Variants in ATP10B observed in about 807,000 individuals in gnomAD.
ATP10B encodes the protein ATPase phospholipid transporting 10B (putative).
ATP10B carries 122 observed loss-of-function variants against 141.2 expected under a neutral mutation model. The observed-to-expected ratio is 0.86, with a 90% CI of 0.75 to 1.00. ATP10B has a LOEUF of 1.00. ATP10B is among the 50% of genes least tolerant of loss of function. The pLI is 0.00. For synonymous variants in ATP10B, 685 were observed against 692.0 expected (o/e 0.99, Z 0.16); for missense variants, 1,876 against 1,825.3 (o/e 1.03, Z -0.51).
intron 24 of ATP10B, among the ~76,000 whole-genome samples, chr5:160,583,782 G>A (rs1581151269): frequency 6.6e-6 from 1 of 152,344 alleles, no homozygotes; most frequent in African/African-American, 2.4e-5. Context: ...AAGTGCTGCA[G>A]TGGGCTCTGT....
intron 7 of ATP10B, among the ~76,000 whole-genome samples, chr5:160,660,812 C>A (rs960635797): frequency 6.6e-6 from 1 of 152,312 alleles, no homozygotes; most frequent in East Asian, 1.9e-4. Context: ...GGCACTAGAT[C>A]CTACTACCAT....
Position 160,598,792 on chromosome 5 carries a change from T to C in ATP10B, c.3542A>G (p.Tyr1181Cys). Residue 1181 changes from tyrosine to cysteine, a missense_variant, in exon 22 of 26, where the codon TAC (tyrosine) becomes TGC (cysteine). Physicochemically the swap from Tyr to Cys is radical, Grantham distance 194. Coordinates refer to ENST00000327245, the MANE Select transcript of ATP10B (RefSeq NM_025153.3). ...TACCTCAGAGTTCTGGCCACTCTTG[T>C]ATAGCTCAGGCAATGCCAGGAGTGT... is the stretch of plus-strand genomic sequence containing the variant. ...AETLLALPEL[Y>C]KSGQNSECYN... The C allele has an allele frequency of 1.1e-5, 18 of 1,614,134 alleles. No individual in the cohort carries two copies. The highest frequency in any genetic ancestry group is 1.5e-5 in the Non-Finnish European group (18 of 1,179,982).
intron 9 of ATP10B, among the ~76,000 whole-genome samples, chr5:160,641,021 A>G (rs1581247648): frequency 2.0e-5 from 3 of 152,230 alleles, no homozygotes; most frequent in South Asian, 2.1e-4. Flanking sequence ...GTGGGATACA[A>G]TGGCAAGACA....
At chr5:160,848,758 A>G (rs574963553) in intron 1 of ATP10B, among the ~76,000 whole-genome samples, 1 of 152,316 alleles carries the variant, frequency 6.6e-6, no homozygotes, top group African/African-American at 2.4e-5. Context: ...TCATACCAAA[A>G]TGAGACTTAA....
the ATP10B span, among the ~76,000 whole-genome samples, chr5:160,876,507 CT>C: frequency 6.8e-6 from 1 of 146,756 alleles, no homozygotes; most frequent in East Asian, 2.1e-4. Context: ...CATTCAAAAG[CT>C]AGCAGAAGGC....
chr5:160,664,532 A>G (rs1762199032), intron 7 of ATP10B, among the ~76,000 whole-genome samples: 1 of 152,228 alleles, frequency 6.6e-6, no homozygotes, highest in Non-Finnish European at 1.5e-5. Context: ...TATGATTATT[A>G]CGTTGATTAT....
chr5:160,598,108 C>T (rs11950954), intron 22 of ATP10B, among the ~76,000 whole-genome samples: 126,051 of 145,314 alleles, frequency 0.87, 55,159 homozygotes, highest in African/African-American at 0.96. Context: ...TGCGGCACTA[C>T]TCACAATAGC....
chr5:160,891,818 A>C, the ATP10B span, among the ~76,000 whole-genome samples: 3 of 152,210 alleles, frequency 2.0e-5, no homozygotes, highest in Non-Finnish European at 1.5e-5. Flanking sequence ...CCTTGACTCT[A>C]TTCATTTACT....
intron 8 of ATP10B, among the ~76,000 whole-genome samples, chr5:160,647,027 A>G (rs1760329973): frequency 6.6e-6 from 1 of 152,144 alleles, no homozygotes; most frequent in Non-Finnish European, 1.5e-5. Flanking sequence ...GACATTGTCA[A>G]ATGTCTCCTG....
chr5:160,809,284 G>A (rs975132633), intron 1 of ATP10B, among the ~76,000 whole-genome samples: 1 of 152,122 alleles, frequency 6.6e-6, no homozygotes, highest in Non-Finnish European at 1.5e-5. Context: ...GCCAAAATGG[G>A]CATGGGAGTA....
At position 160,598,036 on chromosome 5, in the gene ATP10B, G is replaced by A. The variant is rs1272613564; in HGVS notation, c.3564+734C>T. Among the ~76,000 whole-genome samples, 4 of 49,302 alleles carry A rather than the reference G, an allele frequency of 8.1e-5. No homozygotes were observed. The East Asian group carries it at 3.6e-3, about 44-fold the overall frequency. The allele number at this position is 49,302 out of a possible 152,430, so 32.3% of individuals were successfully genotyped here. On this transcript the variant is annotated intron_variant, in intron 22 of 25. Coordinates refer to ENST00000327245, the MANE Select transcript of ATP10B (RefSeq NM_025153.3). ...AAATACCATTTGACCCAGCCATCCT[G>A]GGTATATACCCAAAAGACTATAAAT...
rs1400045847 is a variant in ATP10B, at chr5:160,564,351, C to A, written c.*1102G>T. 6.6e-6 allele frequency: 1 copy of A among 152,120 alleles called. No individual in the cohort carries two copies. The highest frequency in any genetic ancestry group is 1.5e-5 in the Non-Finnish European group (1 of 68,034). The allele number at this position is 152,120 out of a possible 1,614,324, so 9.4% of individuals were successfully genotyped here. The stretch of plus-strand genomic sequence containing the variant: ...TTTATATAGTTGACATTTATAAACT[C>A]TAGGGATAGGAAGTCTATATAATCC... On this transcript the variant is annotated 3_prime_UTR_variant, in exon 26 of 26. Coordinates refer to ENST00000327245, the MANE Select transcript of ATP10B (RefSeq NM_025153.3).
intron 25 of ATP10B, among the ~76,000 whole-genome samples, chr5:160,567,121 T>G (rs1466043525): frequency 6.6e-6 from 1 of 152,162 alleles, no homozygotes; most frequent in Non-Finnish European, 1.5e-5. Context: ...GTATAAACCT[T>G]TTCCTCAAGC....
chr5:160,881,597 G>C, the ATP10B span, among the ~76,000 whole-genome samples: 1 of 152,096 alleles, frequency 6.6e-6, no homozygotes, highest in Non-Finnish European at 1.5e-5. Flanking sequence ...TGGATCACGA[G>C]GTCAGGAGAT....
intron 1 of ATP10B, among the ~76,000 whole-genome samples, chr5:160,793,450 A>C (rs896044796): frequency 6.6e-6 from 1 of 152,244 alleles, no homozygotes; most frequent in South Asian, 2.1e-4. Flanking sequence ...GGTGTAACAG[A>C]ATTTAACTAT....
intron 1 of ATP10B, among the ~76,000 whole-genome samples, chr5:160,817,057 GC>G (rs1773690035): frequency 6.6e-6 from 1 of 152,138 alleles, no homozygotes; most frequent in Non-Finnish European, 1.5e-5. Flanking sequence ...TACTGAATGG[GC>G]AAAAACTGGA....
chr5:160,649,188 G>T lies in ATP10B; in HGVS notation c.744C>A (p.Asn248Lys). ...IVCEKPNNHL[N>K]KFKGYMEHPD... ...ATACTTACATATAACCCTTAAATTT[G>T]TTGAGGTGGTTGTTGGGTTTCTCAC... The change falls in exon 8 of 26, where the codon AAC (asparagine) becomes AAA (lysine). Residue 248 changes from asparagine to lysine, a missense_variant. Asn to Lys is a moderately conservative substitution (Grantham distance 94). Coordinates refer to ENST00000327245, the MANE Select transcript of ATP10B (RefSeq NM_025153.3). 1 of 1,613,442 alleles carries T rather than the reference G, an allele frequency of 6.2e-7. No individual in the cohort carries two copies. The highest frequency in any genetic ancestry group is 2.2e-5 in the East Asian group (1 of 44,872).
chr5:160,656,948 G>C (rs551270280), intron 7 of ATP10B, among the ~76,000 whole-genome samples: 1 of 152,278 alleles, frequency 6.6e-6, no homozygotes, highest in South Asian at 2.1e-4. Flanking sequence ...CCATGCTTCT[G>C]TGAAACTCTT....
At chr5:160,863,898 A>G in the ATP10B span, among the ~76,000 whole-genome samples, 1 of 152,148 alleles carries the variant, frequency 6.6e-6, no homozygotes, top group East Asian at 1.9e-4. Context: ...TAAACTAGGA[A>G]GAAATAGAAA....
Sources: allele counts gnomAD v4.1 joint callset (sites outside exome capture counted in the v4.1 genomes callset), GRCh38; gene constraint gnomAD v4.1.1; transcripts MANE v1.5; gene names NCBI Gene and HGNC (gene_info 2026-07-23, HGNC 2026-07-21).